Variants in GRIN2A observed in about 807,000 individuals in gnomAD.
The protein encoded by GRIN2A is glutamate ionotropic receptor NMDA type subunit 2A.
In GRIN2A, 22 loss-of-function variants were observed where a neutral mutation model predicts 113.4. That is an observed-to-expected ratio of 0.19 (90% CI 0.14 to 0.28). The LOEUF is 0.28. Ranked by LOEUF, GRIN2A falls within the 10% of genes least tolerant of loss-of-function variation. The pLI is 1.00. For missense variants in GRIN2A, 1,502 were observed against 1,887.0 expected, an observed-to-expected ratio of 0.80 and a Z score of 3.78; for synonymous variants, 827 against 738.4, an observed-to-expected ratio of 1.12 and a Z score of -1.94.
At chr16:10,155,412 T>C (rs2049668484) in intron 2 of GRIN2A, among the ~76,000 whole-genome samples, 1 of 152,184 alleles carries the variant, frequency 6.6e-6, no homozygotes, top group African/African-American at 2.4e-5. Flanking sequence ...CAGGAAGCAG[T>C]GTGTCCCTCA....
rs115411713 is a variant in GRIN2A, at chr16:10,000,267, G to C, written c.415-61716C>G. On this transcript the variant is annotated intron_variant, in intron 2 of 12. Coordinates refer to ENST00000330684, the MANE Select transcript of GRIN2A (RefSeq NM_001134407.3). ...CAAGCATTAGGGCATGGACACATTT[G>C]GTGAGTCCTTCTCGTACCACATGTG... 8.3e-3 allele frequency among the ~76,000 whole-genome samples: 1,257 copies of C among 152,246 alleles called. 14 individuals are homozygous for C. The highest frequency in any genetic ancestry group is 0.029 in the African/African-American group (1,192 of 41,548).
chr16:10,005,758 C>A (rs1328919214), intron 2 of GRIN2A, among the ~76,000 whole-genome samples: 2 of 152,174 alleles, frequency 1.3e-5, no homozygotes, highest in Admixed American at 6.5e-5. Context: ...TGTCACTTTG[C>A]AAATTCCATT....
chr16:10,091,522 G>A (rs933725601), intron 2 of GRIN2A, among the ~76,000 whole-genome samples: 5 of 151,922 alleles, frequency 3.3e-5, no homozygotes, highest in Non-Finnish European at 5.9e-5. Flanking sequence ...GTGTGGTAGT[G>A]TATACCTGTA....
At chr16:10,101,739 G>A (rs1401006704) in intron 2 of GRIN2A, among the ~76,000 whole-genome samples, 1 of 152,170 alleles carries the variant, frequency 6.6e-6, no homozygotes, top group African/African-American at 2.4e-5. Context: ...ATATATCTCA[G>A]GCTACAAGAA....
chr16:9,819,687 G>A (rs1490388517), intron 10 of GRIN2A, among the ~76,000 whole-genome samples: 1 of 151,770 alleles, frequency 6.6e-6, no homozygotes, highest in African/African-American at 2.4e-5. Flanking sequence ...CTTGTGGCTG[G>A]GTGCAGTGGC....
chr16:10,000,194 C>G (rs759726529), intron 2 of GRIN2A, among the ~76,000 whole-genome samples: 20 of 152,166 alleles, frequency 1.3e-4, no homozygotes, highest in Non-Finnish European at 2.5e-4. Context: ...AACTTAATCA[C>G]AGTTGTAAAA....
intron 2 of GRIN2A, among the ~76,000 whole-genome samples, chr16:10,031,109 G>A (rs1007720158): frequency 6.6e-6 from 1 of 152,290 alleles, no homozygotes; most frequent in Admixed American, 6.5e-5. Context: ...CTTAGTTCAC[G>A]TCACTTCCCA....
intron 2 of GRIN2A, among the ~76,000 whole-genome samples, chr16:10,150,739 C>T (rs1158504325): frequency 6.6e-6 from 1 of 152,148 alleles, no homozygotes; most frequent in Non-Finnish European, 1.5e-5. Flanking sequence ...AATACTCCAC[C>T]TTTATCCATC....
chr16:10,065,090 G>C (rs897534282), intron 2 of GRIN2A, among the ~76,000 whole-genome samples: 1 of 152,196 alleles, frequency 6.6e-6, no homozygotes, highest in Non-Finnish European at 1.5e-5. Context: ...TCTCCACACA[G>C]CATTCAACAC....
chr16:10,073,727 A>G (rs2047806479), intron 2 of GRIN2A, among the ~76,000 whole-genome samples: 1 of 151,402 alleles, frequency 6.6e-6, no homozygotes, highest in African/African-American at 2.4e-5. Flanking sequence ...AACATGGTGA[A>G]ACCGCATCTC....
At chr16:10,156,305 T>C (rs1481496711) in intron 2 of GRIN2A, among the ~76,000 whole-genome samples, 1 of 152,266 alleles carries the variant, frequency 6.6e-6, no homozygotes, top group Non-Finnish European at 1.5e-5. Flanking sequence ...GTCAGCTGTG[T>C]AGCAGAATAT....
At chr16:10,099,837 G>A (rs1225260633) in intron 2 of GRIN2A, among the ~76,000 whole-genome samples, 6 of 152,162 alleles carry the variant, frequency 3.9e-5, no homozygotes, top group African/African-American at 1.2e-4. Flanking sequence ...GTACTGAAAC[G>A]TCTGCTCATT....
chr16:10,012,472 A>C (rs1239403882), intron 2 of GRIN2A, among the ~76,000 whole-genome samples: 1 of 152,242 alleles, frequency 6.6e-6, no homozygotes, highest in Non-Finnish European at 1.5e-5. Context: ...AACATCTAGC[A>C]TGGAGAAGCA....
chr16:10,100,538 T>C (rs1197873205), intron 2 of GRIN2A, among the ~76,000 whole-genome samples: 1 of 152,210 alleles, frequency 6.6e-6, no homozygotes, highest in African/African-American at 2.4e-5. Flanking sequence ...TGAAATGAGA[T>C]GGCATGTAGA....
At chr16:10,096,539 A>ACACACACACACACAC (rs2048293164) in intron 2 of GRIN2A, among the ~76,000 whole-genome samples, 2 of 137,670 alleles carry the variant, frequency 1.5e-5, no homozygotes, top group Non-Finnish European at 3.1e-5. Context: ...ATTGTGGTAA[A>ACACACACACACACAC]ACACACACAC....
rs80198087 is a variant in GRIN2A, at chr16:9,985,910, C to G, written c.415-47359G>C. 9.8e-5 allele frequency among the ~76,000 whole-genome samples: 15 copies of G among 152,310 alleles called. No individual in the cohort carries two copies. The East Asian group carries it at 2.7e-3, about 27-fold the overall frequency. ...GGATACCCCATCTACTCTGATGTGA[C>G]TATCATGCATTGTATGCTTGTATCG... On this transcript the variant is annotated intron_variant, in intron 2 of 12. Coordinates refer to ENST00000330684, the MANE Select transcript of GRIN2A (RefSeq NM_001134407.3).
chr16:9,979,030 T>A (rs2045831420), intron 2 of GRIN2A, among the ~76,000 whole-genome samples: 1 of 152,148 alleles, frequency 6.6e-6, no homozygotes, highest in Non-Finnish European at 1.5e-5. Context: ...GGATCTTGCC[T>A]CTCTTACAAT....
chr16:10,041,372 G>A (rs138057341), intron 2 of GRIN2A, among the ~76,000 whole-genome samples: 2 of 152,116 alleles, frequency 1.3e-5, no homozygotes, highest in East Asian at 1.9e-4. Context: ...TTCTGTAAAG[G>A]TTCAATAAAA....
At chr16:9,821,758 G>C (rs1015935471) in intron 10 of GRIN2A, among the ~76,000 whole-genome samples, 2 of 152,194 alleles carry the variant, frequency 1.3e-5, no homozygotes, top group Admixed American at 6.5e-5. Context: ...CCAACAGACA[G>C]AGAGGAATGC....
Sources: gnomAD v4.1 joint callset for allele counts (sites outside exome capture counted in the v4.1 genomes callset) on GRCh38, gnomAD v4.1.1 for gene constraint, MANE v1.5 for transcripts, NCBI Gene and HGNC (gene_info 2026-07-23, HGNC 2026-07-21) for gene names.